The following TNR variants were observed in gnomAD, a reference collection of about 807,000 sequenced individuals.
TNR encodes tenascin R.
Under a neutral mutation model 150.4 loss-of-function variants are expected in TNR, and 45 were observed. That is an observed-to-expected ratio of 0.30 (90% CI 0.24 to 0.38). TNR has a LOEUF of 0.38. Ranked by LOEUF, TNR falls within the 10% of genes least tolerant of loss-of-function variation. The pLI is 1.00. For missense variants in TNR, 1,544 were observed against 1,759.1 expected, an observed-to-expected ratio of 0.88 and a Z score of 2.19; for synonymous variants, 687 against 678.4, an observed-to-expected ratio of 1.01 and a Z score of -0.20.
intron 5 of TNR, among the ~76,000 whole-genome samples, chr1:175,395,409 CG>C (rs1332036078): frequency 6.6e-6 from 1 of 151,956 alleles, no homozygotes; most frequent in Non-Finnish European, 1.5e-5. Context: ...TTTACTGGCC[CG>C]GGGGCTTTCT....
intron 1 of TNR, among the ~76,000 whole-genome samples, chr1:175,680,560 CAGA>C (rs1200048943): frequency 2.0e-5 from 3 of 152,000 alleles, no homozygotes; most frequent in East Asian, 3.9e-4. Flanking sequence ...TGAGAGAAAT[CAGA>C]AGGAGAAAAA....
chr1:175,449,910 T>A (rs1656227401), intron 2 of TNR, among the ~76,000 whole-genome samples: 1 of 152,216 alleles, frequency 6.6e-6, no homozygotes. Flanking sequence ...ACAGATGGAC[T>A]CCACCTGCAG....
At chr1:175,608,749 T>C (rs1478115998) in intron 1 of TNR, among the ~76,000 whole-genome samples, 1 of 152,208 alleles carries the variant, frequency 6.6e-6, no homozygotes, top group Non-Finnish European at 1.5e-5. Flanking sequence ...CAAAGCCTTG[T>C]ACGTTTGAGA....
intron 1 of TNR, among the ~76,000 whole-genome samples, chr1:175,537,200 A>C (rs1660325701): frequency 6.6e-6 from 1 of 152,204 alleles, no homozygotes; most frequent in Admixed American, 6.5e-5. Flanking sequence ...GCCATCAATC[A>C]CCAGGGTAAT....
chr1:175,488,239 A>G (rs1658096831), intron 2 of TNR, among the ~76,000 whole-genome samples: 1 of 152,194 alleles, frequency 6.6e-6, no homozygotes, highest in African/African-American at 2.4e-5. Flanking sequence ...GTGCTGGGAG[A>G]TGGATTAGGC....
rs534569484 is a variant in TNR, at chr1:175,470,678, A to T, written c.-64+57591T>A. Reference sequence around the variant, plus strand: ...CCCAAGTACATTCTTTAAGTTATTTAAAAATACACAATTAAGTTGTTATTG... The same window carrying T: ...CCCAAGTACATTCTTTAAGTTATTTTAAAATACACAATTAAGTTGTTATTG... On this transcript the variant is annotated intron_variant, in intron 2 of 22. Coordinates refer to ENST00000367674, the MANE Select transcript of TNR (RefSeq NM_003285.3). Among the ~76,000 whole-genome samples, 44 of 152,330 alleles carry T rather than the reference A, an allele frequency of 2.9e-4. No homozygotes were observed. In the South Asian group the frequency reaches 5.2e-3, roughly 18 times the overall value.
chr1:175,534,930 C>T (rs1372532621), intron 1 of TNR, among the ~76,000 whole-genome samples: 1 of 152,174 alleles, frequency 6.6e-6, no homozygotes, highest in Non-Finnish European at 1.5e-5. Context: ...TTATAAGGGG[C>T]TTTTCCCCCT....
In TNR at chr1:175,463,242, G is replaced by A. The variant is rs187341235; in HGVS notation, c.-63-56465C>T. On this transcript the variant is annotated intron_variant, in intron 2 of 22. Transcript: ENST00000367674. ...TTATACCACTGACTTGAAGGTTTCA[G>A]CAGGAGCTCCTGATTCCGTTTTTCC... Among the ~76,000 whole-genome samples, 230 of 152,264 alleles carry A rather than the reference G, an allele frequency of 1.5e-3. 1 individual carries two copies. Among genetic ancestry groups the A allele is most frequent in the African/African-American group, 5.3e-3 (219 of 41,566 alleles).
At chr1:175,738,623 T>C (rs1220599049) in intron 1 of TNR, among the ~76,000 whole-genome samples, 2 of 152,220 alleles carry the variant, frequency 1.3e-5, no homozygotes, top group Admixed American at 1.3e-4. Context: ...TAAATGTACT[T>C]AGTGCCATTG....
intron 1 of TNR, among the ~76,000 whole-genome samples, chr1:175,541,928 G>A (rs1278245709): frequency 6.6e-6 from 1 of 152,166 alleles, no homozygotes; most frequent in Non-Finnish European, 1.5e-5. Flanking sequence ...GAGATGGCAA[G>A]TTCATATGGT....
At chr1:175,618,752 C>A (rs550788085) in intron 1 of TNR, among the ~76,000 whole-genome samples, 30 of 152,322 alleles carry the variant, frequency 2.0e-4, no homozygotes, top group African/African-American at 6.7e-4. Context: ...GAACCCACAT[C>A]CTGTTTGTCA....
chr1:175,336,288 C>T (rs1346388389), intron 19 of TNR, among the ~76,000 whole-genome samples: 2 of 152,252 alleles, frequency 1.3e-5, no homozygotes, highest in East Asian at 1.9e-4. Context: ...TGTTTAAGTG[C>T]TTATTTTATT....
At chr1:175,347,083 C>A (rs1182961480) in intron 18 of TNR, among the ~76,000 whole-genome samples, 1 of 152,016 alleles carries the variant, frequency 6.6e-6, no homozygotes, top group East Asian at 1.9e-4. Context: ...TGGTAGCTAA[C>A]CATATATAAC....
intron 1 of TNR, among the ~76,000 whole-genome samples, chr1:175,564,162 C>G (rs1374942495): frequency 6.6e-6 from 1 of 152,236 alleles, no homozygotes; most frequent in African/African-American, 2.4e-5. Context: ...CTCTCCAAGA[C>G]CCTGACTTCT....
chr1:175,381,161 A>G (rs1363733800), intron 8 of TNR, among the ~76,000 whole-genome samples: 1 of 152,124 alleles, frequency 6.6e-6, no homozygotes, highest in Non-Finnish European at 1.5e-5. Flanking sequence ...TGGAGAGAGG[A>G]GCTTGGATAG....
chr1:175,647,000 C>T (rs559230442), intron 1 of TNR, among the ~76,000 whole-genome samples: 53 of 152,338 alleles, frequency 3.5e-4, no homozygotes, highest in African/African-American at 1.2e-3. Context: ...CAGCTGCCCT[C>T]GGCAGGCAGG....
chr1:175,640,334 C>T (rs17311958), intron 1 of TNR, among the ~76,000 whole-genome samples: 10,802 of 152,260 alleles, frequency 0.071, 459 homozygotes, highest in Non-Finnish European at 0.095. Context: ...TTACCATGAA[C>T]TGTAAGGGCA....
intron 20 of TNR, among the ~76,000 whole-genome samples, chr1:175,331,431 T>C: frequency 6.6e-6 from 1 of 151,874 alleles, no homozygotes. Flanking sequence ...GCCCAGCTCA[T>C]TTTTTGTATT....
intron 3 of TNR, 102 bp from the exon 4 acceptor site, chr1:175,403,718 A>T (rs1653827654): frequency 5.2e-6 from 5 of 967,174 alleles, no homozygotes; most frequent in African/African-American, 1.6e-5. Flanking sequence ...CTCTGACCAG[A>T]TTTCTGTTGC....
Sources: gnomAD v4.1 joint callset for allele counts (sites outside exome capture counted in the v4.1 genomes callset) on GRCh38, gnomAD v4.1.1 for gene constraint, MANE v1.5 for transcripts, NCBI Gene and HGNC (gene_info 2026-07-23, HGNC 2026-07-21) for gene names.